Variants in MAP2K1 observed in about 807,000 individuals in gnomAD.
MAP2K1 encodes the protein mitogen-activated protein kinase kinase 1, also known as dual specificity mitogen-activated protein kinase kinase 1.
MAP2K1 carries 16 observed loss-of-function variants against 46.3 expected under a neutral mutation model. That is an observed-to-expected ratio of 0.35 (90% CI 0.23 to 0.52). MAP2K1 has a LOEUF of 0.52. MAP2K1 is among the 20% of genes least tolerant of loss of function. The probability of loss-of-function intolerance (pLI) is 0.94; values close to 1 mark genes in which losing one functional copy is unlikely to be tolerated. For synonymous variants in MAP2K1, 183 were observed against 185.6 expected (o/e 0.99, Z 0.11); for missense variants, 263 against 497.1 (o/e 0.53, Z 4.48).
At chr15:66,480,298 C>T (rs963901503) in intron 5 of MAP2K1, among the ~76,000 whole-genome samples, 2 of 152,108 alleles carry the variant, frequency 1.3e-5, no homozygotes, top group African/African-American at 2.4e-5. Flanking sequence ...CCATGTTGGT[C>T]AGGCTGGTCT....
At chr15:66,481,959 CAG>C (rs1892924733) in intron 6 of MAP2K1, 80 bp downstream of exon 6, 3 of 1,538,368 alleles carry the variant, frequency 2.0e-6, no homozygotes, top group Admixed American at 1.9e-5. Flanking sequence ...CCTGTGGAGC[CAG>C]AGTCTTGTGC....
At chr15:66,388,467 T>G (rs2093348281) in intron 1 of MAP2K1, among the ~76,000 whole-genome samples, 1 of 152,256 alleles carries the variant, frequency 6.6e-6, no homozygotes, top group Admixed American at 6.5e-5. Flanking sequence ...AGCTAATTGA[T>G]GAAATCAGAA....
chr15:66,455,425 A>T (rs1892142251), intron 5 of MAP2K1, among the ~76,000 whole-genome samples: 1 of 152,242 alleles, frequency 6.6e-6, no homozygotes, highest in South Asian at 2.1e-4. Context: ...TTTGATTCAT[A>T]CATTTCTTCT....
intron 1 of MAP2K1, among the ~76,000 whole-genome samples, chr15:66,420,953 A>G (rs1371789311): frequency 2.2e-5 from 1 of 46,348 alleles, no homozygotes; most frequent in Non-Finnish European, 6.5e-5. Context: ...ATATACATAC[A>G]CATACATATA....
intron 1 of MAP2K1, among the ~76,000 whole-genome samples, chr15:66,417,749 G>A (rs1567001670): frequency 6.6e-6 from 1 of 152,122 alleles, no homozygotes; most frequent in Non-Finnish European, 1.5e-5. Flanking sequence ...ATTTGGGCAG[G>A]GAGAAGGGTC....
Position 66,464,770 on chromosome 15 carries a change from C to T in MAP2K1, c.569-16985C>T, listed in dbSNP as rs189423024. Among the ~76,000 whole-genome samples, 546 of 151,916 alleles carry T rather than the reference C, an allele frequency of 3.6e-3. 2 individuals are homozygous for T. Among genetic ancestry groups the T allele is most frequent in the African/African-American group, 0.013 (524 of 41,460 alleles). ...TCGAACTCCCAACCTCAGGTGAATCCACCTGCCTCGGCCTCCCAAAGTGCT... is the reference window on the plus strand; with the variant it reads ...TCGAACTCCCAACCTCAGGTGAATCTACCTGCCTCGGCCTCCCAAAGTGCT... On this transcript the variant is annotated intron_variant, in intron 5 of 10. Transcript: ENST00000307102.
intron 5 of MAP2K1, among the ~76,000 whole-genome samples, chr15:66,468,820 A>G (rs1892535088): frequency 6.6e-6 from 1 of 151,580 alleles, no homozygotes; most frequent in South Asian, 2.1e-4. Context: ...AATCCCAACT[A>G]CTTGGGAGGC....
intron 4 of MAP2K1, among the ~76,000 whole-genome samples, chr15:66,444,239 AG>A (rs898402795): frequency 3.4e-5 from 5 of 147,448 alleles, no homozygotes; most frequent in African/African-American, 1.3e-4. Context: ...ACTCTGTCTC[AG>A]AAAAAAAAAA....
intron 5 of MAP2K1, among the ~76,000 whole-genome samples, chr15:66,448,509 A>G (rs1891939936): frequency 6.6e-6 from 1 of 152,246 alleles, no homozygotes; most frequent in South Asian, 2.1e-4. Flanking sequence ...GAGAAAAGAA[A>G]TAGAAAATGA....
chr15:66,390,301 TC>T (rs1410327141), intron 1 of MAP2K1, among the ~76,000 whole-genome samples: 1 of 152,212 alleles, frequency 6.6e-6, no homozygotes, highest in East Asian at 1.9e-4. Context: ...CTGAGAGTGT[TC>T]CTCAAGCAAA....
At chr15:66,394,981 G>A (rs1234302396) in intron 1 of MAP2K1, among the ~76,000 whole-genome samples, 1 of 152,180 alleles carries the variant, frequency 6.6e-6, no homozygotes, top group African/African-American at 2.4e-5. Flanking sequence ...CCCATGGCAA[G>A]GAAATATATG....
chr15:66,414,370 C>G (rs1307830811), intron 1 of MAP2K1, among the ~76,000 whole-genome samples: 1 of 152,170 alleles, frequency 6.6e-6, no homozygotes, highest in African/African-American at 2.4e-5. Flanking sequence ...ATTCACAGAA[C>G]TCAGGAATGC....
intron 1 of MAP2K1, among the ~76,000 whole-genome samples, chr15:66,388,665 C>T (rs540033817): frequency 4.4e-4 from 67 of 152,172 alleles, no homozygotes; most frequent in Non-Finnish European, 8.1e-4. Context: ...GCCACTATGC[C>T]CAGCCAACTT....
At chr15:66,437,086 T>C (rs1165724825) in intron 3 of MAP2K1, among the ~76,000 whole-genome samples, 194 bp downstream of exon 3, 1 of 152,236 alleles carries the variant, frequency 6.6e-6, no homozygotes, top group Non-Finnish European at 1.5e-5. Context: ...TCTAGGTCCT[T>C]GCCTCTCTTG....
At chr15:66,402,417 T>A (rs2093384281) in intron 1 of MAP2K1, among the ~76,000 whole-genome samples, 1 of 152,226 alleles carries the variant, frequency 6.6e-6, no homozygotes, top group Non-Finnish European at 1.5e-5. Flanking sequence ...TATTTTCAGG[T>A]TTACCTTGGT....
chr15:66,468,070 T>C (rs1892510678), intron 5 of MAP2K1, among the ~76,000 whole-genome samples: 1 of 152,250 alleles, frequency 6.6e-6, no homozygotes, highest in Non-Finnish European at 1.5e-5. Flanking sequence ...TCAAAGATTT[T>C]ACGTAAACTT....
At chr15:66,433,013 C>T (rs2093478822) in intron 1 of MAP2K1, among the ~76,000 whole-genome samples, 1 of 97,226 alleles carries the variant, frequency 1.0e-5, no homozygotes, top group African/African-American at 3.6e-5. Flanking sequence ...GACAGCTTTT[C>T]GAATCTGCAT....
chr15:66,410,434 T>C (rs1353262195), intron 1 of MAP2K1, among the ~76,000 whole-genome samples: 1 of 152,134 alleles, frequency 6.6e-6, no homozygotes, highest in Admixed American at 6.5e-5. Context: ...AGAGAGAAGG[T>C]TGATAAGTGT....
chr15:66,445,370 T>C (rs35653719), intron 5 of MAP2K1, among the ~76,000 whole-genome samples: 8,557 of 152,226 alleles, frequency 0.056, 346 homozygotes, highest in Middle Eastern at 0.11. Context: ...CCAGCCTGGG[T>C]GGCACAGCGA....
Sources: gnomAD v4.1 joint callset for allele counts (sites outside exome capture counted in the v4.1 genomes callset) on GRCh38, gnomAD v4.1.1 for gene constraint, MANE v1.5 for transcripts, NCBI Gene and HGNC (gene_info 2026-07-23, HGNC 2026-07-21) for gene names.